The following RTN3 variants were observed in gnomAD, a reference collection of about 807,000 sequenced individuals.
RTN3 encodes the protein reticulon 3.
A neutral mutation model predicts 77.8 loss-of-function variants in RTN3; 49 were observed. The ratio of observed to expected loss-of-function variants is 0.63; its 90% CI spans 0.50 to 0.80. The LOEUF is 0.80. RTN3 is among the 30% of genes least tolerant of loss of function. The pLI is 0.00. For missense variants in RTN3, 1,236 were observed against 1,211.9 expected (o/e 1.02, Z -0.29); for synonymous variants, 464 against 446.9 (o/e 1.04, Z -0.48).
rs1164849179 is a variant in RTN3, at chr11:63,741,228, G to C, written c.2531-8763G>C. Among the ~76,000 whole-genome samples the C allele has an allele frequency of 1.0e-4, 15 of 149,860 alleles. 1 individual carries two copies. The highest frequency in any genetic ancestry group is 3.4e-4 in the African/African-American group (14 of 40,626). ...TTATTTATTTATTTTTTGAGATGGAGTTTCGCTCTTGTCGCCCAGGCTGCA... is the reference window on the plus strand; with the variant it reads ...TTATTTATTTATTTTTTGAGATGGACTTTCGCTCTTGTCGCCCAGGCTGCA... On this transcript the variant is annotated intron_variant, in intron 3 of 8. Transcript: ENST00000377819.
At chr11:63,716,073 C>T (rs2011378770) in intron 2 of RTN3, among the ~76,000 whole-genome samples, 1 of 152,172 alleles carries the variant, frequency 6.6e-6, no homozygotes, top group Admixed American at 6.5e-5. Flanking sequence ...AGCTTTGCCA[C>T]CAAGCTTTTA....
intron 1 of RTN3, among the ~76,000 whole-genome samples, chr11:63,699,217 CT>C (rs1399210688): frequency 1.3e-5 from 2 of 152,020 alleles, no homozygotes; most frequent in Non-Finnish European, 2.9e-5. Context: ...ATGAGAATCA[CT>C]TGAACCTGGG....
chr11:63,745,149 C>A (rs911553023), intron 3 of RTN3, among the ~76,000 whole-genome samples: 2 of 152,130 alleles, frequency 1.3e-5, no homozygotes, highest in Non-Finnish European at 2.9e-5. Flanking sequence ...CTCTTCTCCC[C>A]CAAGGTATTA....
chr11:63,693,438 C>T (rs942803394), intron 1 of RTN3, among the ~76,000 whole-genome samples: 2 of 151,868 alleles, frequency 1.3e-5, no homozygotes, highest in Admixed American at 6.6e-5. Context: ...GAGCCGAGAT[C>T]GCACCATTGT....
chr11:63,723,794 TTA>T (rs1481919063), intron 3 of RTN3, among the ~76,000 whole-genome samples: 1 of 152,208 alleles, frequency 6.6e-6, no homozygotes, highest in Non-Finnish European at 1.5e-5. Context: ...AGTGCTTTAA[TTA>T]TATTCTGCCT....
intron 1 of RTN3, among the ~76,000 whole-genome samples, chr11:63,683,948 T>C (rs1333318406): frequency 7.7e-5 from 9 of 117,642 alleles, no homozygotes; most frequent in South Asian, 3.2e-4. Flanking sequence ...TCTTTCTTTT[T>C]TTTTTTTTTT....
intron 7 of RTN3, among the ~76,000 whole-genome samples, chr11:63,755,651 CAAAAAAAAAAAA>C (rs776039864): frequency 1.3e-3 from 22 of 17,060 alleles, no homozygotes; most frequent in African/African-American, 3.3e-3. Context: ...AATTCCATCT[CAAAAAAAAAAAA>C]AAAAAAAAAA....
At chr11:63,716,187 T>TG (rs1353652442) in intron 2 of RTN3, among the ~76,000 whole-genome samples, 2 of 152,250 alleles carry the variant, frequency 1.3e-5, no homozygotes, top group African/African-American at 4.8e-5. Flanking sequence ...AGTGATGTGT[T>TG]GAAGTAGGGG....
chr11:63,737,245 C>T (rs952742871), intron 3 of RTN3, among the ~76,000 whole-genome samples: 1 of 152,170 alleles, frequency 6.6e-6, no homozygotes, highest in East Asian at 1.9e-4. Flanking sequence ...TCCAAGAATG[C>T]ATAGGAAAAC....
intron 3 of RTN3, among the ~76,000 whole-genome samples, chr11:63,730,413 A>G (rs2012606972): frequency 6.6e-6 from 1 of 152,272 alleles, no homozygotes; most frequent in Admixed American, 6.5e-5. Context: ...ACATCTTATC[A>G]TGATAAAAGA....
intron 2 of RTN3, among the ~76,000 whole-genome samples, chr11:63,706,969 T>C (rs2134741223): frequency 6.6e-6 from 1 of 151,594 alleles, no homozygotes; most frequent in South Asian, 2.1e-4. Context: ...TGATCTCAGC[T>C]CAGTGCAACC....
intron 1 of RTN3, among the ~76,000 whole-genome samples, chr11:63,699,481 C>T (rs1051240080): frequency 6.6e-5 from 10 of 152,164 alleles, no homozygotes; most frequent in South Asian, 6.2e-4. Context: ...GAGCCCTTAT[C>T]TCTTGCCAAG....
In RTN3 at chr11:63,681,741, C is replaced by G. The variant is rs371351138; in HGVS notation, c.105C>G (p.Pro35=). ...GCGGCGGGAGCCCAGGAGCCTGCCC[C>G]GCCCTGGGGACGAAGAGCTGCAGCT... ...PGGGGSPGAC[P]ALGTKSCSSS... The change falls in exon 1 of 9, where the codon CCC becomes CCG. Residue 35 remains proline, a synonymous_variant. Coordinates refer to ENST00000377819, the MANE Select transcript of RTN3 (RefSeq NM_001265589.2). 6.2e-7 allele frequency: 1 copy of G among 1,606,440 alleles called. No homozygotes were observed. The highest frequency in any genetic ancestry group is 1.3e-5 in the African/African-American group (1 of 74,506).
chr11:63,712,341 C>G (rs971421158), intron 2 of RTN3, among the ~76,000 whole-genome samples: 4 of 152,108 alleles, frequency 2.6e-5, no homozygotes, highest in African/African-American at 9.7e-5. Flanking sequence ...TAAGTGGCAG[C>G]TACTACTGTG....
intron 1 of RTN3, among the ~76,000 whole-genome samples, chr11:63,696,268 G>A (rs947991334): frequency 1.3e-5 from 2 of 151,690 alleles, no homozygotes; most frequent in African/African-American, 2.4e-5. Context: ...GTGATGGTGC[G>A]TACCTGTAAT....
intron 3 of RTN3, among the ~76,000 whole-genome samples, chr11:63,735,550 T>TTCTCTCTCTCTC (rs71468640): frequency 0.088 from 3,737 of 42,664 alleles, 945 homozygotes; most frequent in Non-Finnish European, 0.097. Flanking sequence ...ATTCTAACAT[T>TTCTCTCTCTCTC]TCTCTCTCTC....
At chr11:63,694,326 G>A (rs1021641560) in intron 1 of RTN3, among the ~76,000 whole-genome samples, 7 of 151,896 alleles carry the variant, frequency 4.6e-5, no homozygotes, top group East Asian at 3.9e-4. Context: ...ACAGGCATGC[G>A]CCACCACGTC....
At chr11:63,745,545 C>T (rs915133315) in intron 3 of RTN3, among the ~76,000 whole-genome samples, 1 of 152,144 alleles carries the variant, frequency 6.6e-6, no homozygotes, top group Non-Finnish European at 1.5e-5. Flanking sequence ...CAGACAGAGG[C>T]TTGATGTGTT....
rs753690190 is a variant in RTN3 at position 63,749,999 on chromosome 11, C to T, written c.2539C>T (p.Leu847=). 1 of 1,613,230 alleles carries T rather than the reference C, an allele frequency of 6.2e-7. No homozygotes were observed. ...CCCTTTTCTTTTGTCAGTGCACGAT[C>T]TGATTTTCTGGAGAGATGTGAAGAA... ...RLLTDFSVHD[L]IFWRDVKKTG... is the part of the protein sequence containing the mutation. The change falls in exon 4 of 9, where the codon CTG becomes TTG. Residue 847 remains leucine, a synonymous_variant. Transcript: ENST00000377819.
Sources: allele counts gnomAD v4.1 joint callset (sites outside exome capture counted in the v4.1 genomes callset), GRCh38; gene constraint gnomAD v4.1.1; transcripts MANE v1.5; gene names NCBI Gene and HGNC (gene_info 2026-07-23, HGNC 2026-07-21).